Variants in SDC1 observed in about 807,000 individuals in gnomAD.
SDC1 encodes the protein syndecan 1, also known as syndecan-1.
Under a neutral mutation model 29.7 loss-of-function variants are expected in SDC1, and 14 were observed. That is an observed-to-expected ratio of 0.47 (90% confidence interval 0.31 to 0.74). The LOEUF is 0.74. SDC1 is among the 30% of genes least tolerant of loss of function. The pLI is 0.05. For missense variants in SDC1, 406 were observed against 400.3 expected, an observed-to-expected ratio of 1.01 and a Z score of -0.12; for synonymous variants, 204 against 175.5, an observed-to-expected ratio of 1.16 and a Z score of -1.29.
intron 3 of SDC1, 106 bp from the exon 4 acceptor site, chr2:20,203,328 A>T: frequency 7.4e-7 from 1 of 1,345,208 alleles, no homozygotes; most frequent in African/African-American, 1.5e-5. Context: ...GATCTTTGCC[A>T]CCACCCACTC....
intron 1 of SDC1, chr2:20,207,887 A>G (rs1572464090): frequency 1.1e-6 from 1 of 932,618 alleles, no homozygotes; most frequent in African/African-American, 1.8e-5. Context: ...AATACTGCCC[A>G]CCGGGGGATC....
intron 1 of SDC1, among the ~76,000 whole-genome samples, chr2:20,212,497 A>G (rs1305246694): frequency 1.3e-5 from 2 of 152,234 alleles, no homozygotes; most frequent in African/African-American, 4.8e-5. Flanking sequence ...ACAGCCCGCC[A>G]GGGAGGCAGG....
intron 1 of SDC1, among the ~76,000 whole-genome samples, chr2:20,210,835 C>G (rs1224637377): frequency 6.6e-6 from 1 of 152,136 alleles, no homozygotes; most frequent in Non-Finnish European, 1.5e-5. Context: ...CAGGAGGGCC[C>G]ATGGTCATGG....
chr2:20,202,904 G>A lies in SDC1; in HGVS notation c.795C>T (p.Ile265=). 1 of 1,613,300 alleles carries A rather than the reference G, an allele frequency of 6.2e-7. No homozygotes were observed. Among genetic ancestry groups the A allele is most frequent in the Non-Finnish European group, 8.5e-7 (1 of 1,179,640 alleles). ...TGAAACCCACCAGGCACACAGCAAA[G>A]ATGAGCCCCACGAGGCCTCCGGCAA... ...GVIAGGLVGL[I]FAVCLVGFML... The change falls in exon 5 of 5, where the codon ATC becomes ATT. Residue 265 remains isoleucine (I), a synonymous_variant. Coordinates refer to ENST00000254351, the MANE Select transcript of SDC1 (RefSeq NM_002997.5).
chr2:20,210,851 T>C (rs1243142686), intron 1 of SDC1, among the ~76,000 whole-genome samples: 1 of 152,054 alleles, frequency 6.6e-6, no homozygotes, highest in Non-Finnish European at 1.5e-5. Flanking sequence ...CATGGCAGGC[T>C]GGACACCCAC....
In SDC1 at chr2:20,202,510, C is replaced by T. The variant is rs532537086; in HGVS notation, c.*256G>A. The T allele has an allele frequency of 2.1e-3, 1,210 of 587,644 alleles. 1 individual carries two copies. The highest frequency in any genetic ancestry group is 3.2e-3 in the Non-Finnish European group (1,069 of 331,682). 36.4% of individuals were successfully genotyped at this position (587,644 alleles called of 1,614,324 possible). On this transcript the variant is annotated 3_prime_UTR_variant, in exon 5 of 5. Transcript: ENST00000254351. The stretch of plus-strand genomic sequence containing the variant: ...TTGGAGAAACCGAGTCAGAATGGTG[C>T]GATGCCAGGTGCTGGCTGTGGTGGA...
chr2:20,208,366 A>C (rs1358650548), intron 1 of SDC1, among the ~76,000 whole-genome samples: 2 of 152,280 alleles, frequency 1.3e-5, no homozygotes, highest in East Asian at 3.9e-4. Context: ...CAAGCTCTTA[A>C]GCAAATGTTT....
chr2:20,224,680 G>A lies in SDC1; in HGVS notation c.66+122C>T. The stretch of plus-strand genomic sequence containing the variant: ...GGCTCACCGTCCCGGGACCCGCTGG[G>A]CTAGCGCGGGAAGAAGGGAAGTCTT... On this transcript the variant is annotated intron_variant, in intron 1 of 4. Transcript: ENST00000254351. The surrounding 1 kb of genome is among the most constrained non-coding windows in gnomAD (Gnocchi z 4.9). 3 of 1,132,400 alleles carry A rather than the reference G, an allele frequency of 2.6e-6. No homozygotes were observed. The highest frequency in any genetic ancestry group is 2.2e-6 in the Non-Finnish European group (2 of 907,722). The allele number at this position is 1,132,400 out of a possible 1,614,324, so 70.1% of individuals were successfully genotyped here.
At position 20,202,335 on chromosome 2, in the gene SDC1, C is replaced by G. The variant is rs747600264; in HGVS notation, c.*431G>C. On this transcript the variant is annotated 3_prime_UTR_variant, in exon 5 of 5. Transcript: ENST00000254351. ...CCCTGCCACTCAGCGGCCACCCCCC[C>G]AAGATGCTTGGTCCTACCAGTAAGT... The G allele has an allele frequency of 1.3e-6, 1 of 772,710 alleles. No individual in the cohort carries two copies. Among genetic ancestry groups the G allele is most frequent in the Non-Finnish European group, 2.4e-6 (1 of 415,408 alleles). 47.9% of individuals were successfully genotyped at this position (772,710 alleles called of 1,614,324 possible).
chr2:20,224,891 A>G lies in SDC1; in HGVS notation c.-24T>C. 1 of 1,213,596 alleles carries G rather than the reference A, an allele frequency of 8.2e-7. No homozygotes were observed. Among genetic ancestry groups the G allele is most frequent in the South Asian group, 4.1e-5 (1 of 24,638 alleles). The allele number at this position is 1,213,596 out of a possible 1,614,324, so 75.2% of individuals were successfully genotyped here. A position where few individuals can be genotyped will look rare whatever the true frequency, so the allele number is the denominator to read the frequency against. Reference sequence around the variant, plus strand: ...ATGCTGCCCGGACCGGCGGCGGGAGAGCGGCAGGCTGCGCGGGTCGCGGCT... The same window carrying G: ...ATGCTGCCCGGACCGGCGGCGGGAGGGCGGCAGGCTGCGCGGGTCGCGGCT... On this transcript the variant is annotated 5_prime_UTR_variant, in exon 1 of 5. Transcript: ENST00000254351. The surrounding 1 kb of genome is among the most constrained non-coding windows in gnomAD (Gnocchi z 4.9).
chr2:20,205,234 C>A, intron 2 of SDC1, 109 bp downstream of exon 2: 1 of 845,844 alleles, frequency 1.2e-6, no homozygotes, highest in Non-Finnish European at 2.0e-6. Flanking sequence ...ACAGGGCAGG[C>A]AGGGTGCACT....
chr2:20,224,663 G>T lies in SDC1; in HGVS notation c.66+139C>A. The T allele has an allele frequency of 1.9e-6, 2 of 1,063,986 alleles. No individual in the cohort carries two copies. Among genetic ancestry groups the T allele is most frequent in the Non-Finnish European group, 2.4e-6 (2 of 848,998 alleles). The allele number at this position is 1,063,986 out of a possible 1,614,324, so 65.9% of individuals were successfully genotyped here. A position where few individuals can be genotyped will look rare whatever the true frequency, so the allele number is the denominator to read the frequency against. ...TGGAGCCCTGGTCTCGGGGCTCACC[G>T]TCCCGGGACCCGCTGGGCTAGCGCG... On this transcript the variant is annotated intron_variant, in intron 1 of 4. Coordinates refer to ENST00000254351, the MANE Select transcript of SDC1 (RefSeq NM_002997.5). The surrounding 1 kb of genome is among the most constrained non-coding windows in gnomAD (Gnocchi z 4.9).
chr2:20,202,536 A>G lies in SDC1; in HGVS notation c.*230T>C, dbSNP rs1349345533. The G allele has an allele frequency of 1.3e-5, 8 of 593,072 alleles. No individual in the cohort carries two copies. Among genetic ancestry groups the G allele is most frequent in the Non-Finnish European group, 2.4e-5 (8 of 335,480 alleles). The allele number at this position is 593,072 out of a possible 1,614,324, so 36.7% of individuals were successfully genotyped here. ...GATGCCAGGTGCTGGCTGTGGTGGAAAGGTCCTATGCGAGAAACCCCTGGT... is the reference window on the plus strand; with the variant it reads ...GATGCCAGGTGCTGGCTGTGGTGGAGAGGTCCTATGCGAGAAACCCCTGGT... On this transcript the variant is annotated 3_prime_UTR_variant, in exon 5 of 5. Transcript: ENST00000254351.
rs565360740 is a variant in SDC1, at chr2:20,201,380, G to C, written c.*1386C>G. ...AACCAGAATCCCTCCCCATGGGAAA[G>C]ACGAAGGCACAGAGATTCGAGCCAA... On this transcript the variant is annotated 3_prime_UTR_variant, in exon 5 of 5. Transcript: ENST00000254351. 5 of 152,480 alleles carry C rather than the reference G, an allele frequency of 3.3e-5. No individual in the cohort carries two copies. Among genetic ancestry groups the C allele is most frequent in the Admixed American group, 2.0e-4 (3 of 15,300 alleles). 9.4% of individuals were successfully genotyped at this position (152,480 alleles called of 1,614,324 possible). A position where few individuals can be genotyped will look rare whatever the true frequency, so the allele number is the denominator to read the frequency against.
intron 1 of SDC1, among the ~76,000 whole-genome samples, chr2:20,215,912 G>A (rs1405000969): frequency 6.6e-6 from 1 of 152,210 alleles, no homozygotes; most frequent in Non-Finnish European, 1.5e-5. Context: ...AAGCCCCAAG[G>A]TCTCAGGACT....
Position 20,202,847 on chromosome 2 carries a change from G to A in SDC1, c.852C>T (p.Gly284=). The change falls in exon 5 of 5, where the codon GGC becomes GGT. Residue 284 remains glycine (G), a synonymous_variant. Transcript: ENST00000254351. ...MLYRMKKKDE[G]SYSLEEPKQA... is the part of the protein sequence containing the mutation. ...GTTTCGGCTCCTCCAAGGAGTAGCT[G>A]CCTTCGTCCTTCTTCTTCATGCGGT... 6.2e-7 allele frequency: 1 copy of A among 1,613,914 alleles called. No individual in the cohort carries two copies. Among genetic ancestry groups the A allele is most frequent in the Non-Finnish European group, 8.5e-7 (1 of 1,179,928 alleles).
In SDC1 at chr2:20,205,325, C is replaced by G. The variant is rs543365264; in HGVS notation, c.148+18G>C. 1.7e-4 allele frequency: 265 copies of G among 1,595,954 alleles called. 1 individual carries two copies. In the African/African-American group the frequency reaches 1.7e-3, roughly 10 times the overall value. On this transcript the variant is annotated intron_variant, in intron 2 of 4. Transcript: ENST00000254351. ...CTGTTGCCGTCTTGGGTGGGGGGGG[C>G]CCCCATGACAACCTCACCTGCACCT...
chr2:20,208,349 T>G lies in SDC1; in HGVS notation c.67-2925A>C, dbSNP rs1572464511. ...TGGCTTATCCCTCTGCAATCTTGTT[T>G]ACACAACAAGCTCTTAAGCAAATGT... On this transcript the variant is annotated intron_variant, in intron 1 of 4. Transcript: ENST00000254351. Among the ~76,000 whole-genome samples the G allele has an allele frequency of 2.6e-5, 4 of 152,346 alleles. 1 individual carries two copies. Among genetic ancestry groups the G allele is most frequent in the South Asian group, 4.1e-4 (2 of 4,834 alleles).
Position 20,201,987 on chromosome 2 carries a change from G to A in SDC1, c.*779C>T. The A allele has an allele frequency of 2.8e-6, 1 of 362,018 alleles. No individual in the cohort carries two copies. The highest frequency in any genetic ancestry group is 4.9e-6 in the Non-Finnish European group (1 of 203,666). 22.4% of individuals were successfully genotyped at this position (362,018 alleles called of 1,614,324 possible). A position where few individuals can be genotyped will look rare whatever the true frequency, so the allele number is the denominator to read the frequency against. On this transcript the variant is annotated 3_prime_UTR_variant, in exon 5 of 5. Coordinates refer to ENST00000254351, the MANE Select transcript of SDC1 (RefSeq NM_002997.5). ...GCCTGCCAACAGACCACCAGAAACG[G>A]GGCCACCAGACAGATAGTCCATACC...
Sources: gnomAD v4.1 joint callset for allele counts (sites outside exome capture counted in the v4.1 genomes callset) on GRCh38, gnomAD v4.1.1 for gene constraint, Gnocchi (gnomAD v3.1) non-coding constraint, MANE v1.5 for transcripts, NCBI Gene and HGNC (gene_info 2026-07-23, HGNC 2026-07-21) for gene names.